Variants in CSMD1 observed in about 807,000 individuals in gnomAD.
CSMD1 encodes CUB and Sushi multiple domains 1.
In CSMD1, 213 loss-of-function variants were observed where a neutral mutation model predicts 417.5. The ratio of observed to expected loss-of-function variants is 0.51; its 90% CI spans 0.46 to 0.57. CSMD1 has a LOEUF of 0.57. CSMD1 is among the 20% of genes least tolerant of loss of function. The pLI is 0.00. For synonymous variants in CSMD1, 2,862 were observed against 1,736.8 expected (o/e 1.65, Z -16.11); for missense variants, 6,923 against 4,529.7 (o/e 1.53, Z -15.17).
rs79443875 is a variant in CSMD1, at chr8:4,484,200, GA to G, written c.303-64136del. Among the ~76,000 whole-genome samples the G allele has an allele frequency of 6.5e-3, 682 of 105,324 alleles. 3 individuals carry two copies. Among genetic ancestry groups the G allele is most frequent in the South Asian group, 0.046 (152 of 3,292 alleles). The allele number at this position is 105,324 out of a possible 152,430, so 69.1% of individuals were successfully genotyped here. The stretch of plus-strand genomic sequence containing the variant: ...GATTGGACTGCAGCTTGGATGACAC[GA>G]AAAAAAAAAAAAAAACCTTGCTTTC... On this transcript the variant is annotated intron_variant, in intron 2 of 69. Transcript: ENST00000635120.
chr8:3,083,439 G>A lies in CSMD1; in HGVS notation c.7474+3658C>T, dbSNP rs369226754. On this transcript the variant is annotated intron_variant, in intron 49 of 69. Transcript: ENST00000635120. ...TATTTCAGCCTCAAAATAACTTTTC[G>A]AATCTATAATTTTTTTTAATTTTTC... 1.9e-4 allele frequency among the ~76,000 whole-genome samples: 28 copies of A among 149,882 alleles called. No individual in the cohort carries two copies. The East Asian group carries it at 2.5e-3, about 14-fold the overall frequency.
At chr8:4,020,483 G>T (rs1796735610) in intron 4 of CSMD1, among the ~76,000 whole-genome samples, 1 of 152,146 alleles carries the variant, frequency 6.6e-6, no homozygotes, top group Admixed American at 6.5e-5. Context: ...GCTAGGGTCA[G>T]GCTGCCTGGG....
At chr8:4,367,691 G>T (rs1282897158) in intron 3 of CSMD1, among the ~76,000 whole-genome samples, 1 of 152,108 alleles carries the variant, frequency 6.6e-6, no homozygotes, top group Non-Finnish European at 1.5e-5. Flanking sequence ...TCCTGACCAT[G>T]AGCACTGAAT....
At chr8:4,729,629 G>C (rs1221107863) in intron 1 of CSMD1, among the ~76,000 whole-genome samples, 3 of 152,162 alleles carry the variant, frequency 2.0e-5, no homozygotes, top group South Asian at 2.1e-4. Flanking sequence ...GGTGAGAAAG[G>C]GGGGAATGCA....
At chr8:3,188,773 AAG>A (rs1437458003) in intron 35 of CSMD1, 112 bp downstream of exon 35, 4 of 929,372 alleles carry the variant, frequency 4.3e-6, no homozygotes, top group South Asian at 4.1e-5. Flanking sequence ...AAAAGGAAAA[AAG>A]AGAGAGGGAG....
intron 3 of CSMD1, among the ~76,000 whole-genome samples, chr8:4,410,446 A>G (rs968903168): frequency 3.3e-5 from 5 of 152,228 alleles, no homozygotes; most frequent in Non-Finnish European, 7.3e-5. Flanking sequence ...GCGTCCAGAT[A>G]GTATATAGCC....
intron 10 of CSMD1, among the ~76,000 whole-genome samples, chr8:3,547,216 G>C (rs79971118): frequency 5.3e-5 from 8 of 152,138 alleles, no homozygotes; most frequent in Non-Finnish European, 8.8e-5. Flanking sequence ...CTTTGACTTC[G>C]GCCTTAAATA....
chr8:3,016,201 T>C (rs1808813811), intron 52 of CSMD1, among the ~76,000 whole-genome samples: 2 of 152,210 alleles, frequency 1.3e-5, no homozygotes, highest in Non-Finnish European at 2.9e-5. Context: ...CCTCCAAATA[T>C]GGCACCTAGT....
At chr8:3,156,411 A>G (rs1819533670) in intron 39 of CSMD1, among the ~76,000 whole-genome samples, 1 of 152,220 alleles carries the variant, frequency 6.6e-6, no homozygotes, top group Non-Finnish European at 1.5e-5. Context: ...TGTGCTGAAG[A>G]TACAGAGGTG....
chr8:3,121,105 GGAGA>G (rs1817178749), intron 41 of CSMD1, among the ~76,000 whole-genome samples: 1 of 151,936 alleles, frequency 6.6e-6, no homozygotes, highest in Non-Finnish European at 1.5e-5. Flanking sequence ...AAAAAAATAG[GGAGA>G]GACTCATAAA....
intron 5 of CSMD1, among the ~76,000 whole-genome samples, chr8:3,995,720 T>G (rs1313810680): frequency 6.6e-6 from 1 of 152,188 alleles, no homozygotes; most frequent in Non-Finnish European, 1.5e-5. Context: ...CCCACAGGGC[T>G]TTTGCGCCAA....
chr8:3,570,083 C>A lies in CSMD1; in HGVS notation c.1344+4862G>T, dbSNP rs766664897. ...GAGAAGAGAATTGTATAAACCCAAG[C>A]TGCCTAAATTCATTACTGGTCATTT... On this transcript the variant is annotated intron_variant, in intron 10 of 69. Transcript: ENST00000635120. Among the ~76,000 whole-genome samples the A allele has an allele frequency of 3.3e-5, 5 of 152,254 alleles. No individual in the cohort carries two copies. The South Asian group carries it at 1.0e-3, about 32-fold the overall frequency.
chr8:3,958,010 A>G (rs1812081714), intron 5 of CSMD1, among the ~76,000 whole-genome samples: 1 of 152,172 alleles, frequency 6.6e-6, no homozygotes, highest in Admixed American at 6.5e-5. Flanking sequence ...AGATTAAACC[A>G]GAGAAGACAA....
chr8:4,063,147 G>C (rs75456220), intron 3 of CSMD1, among the ~76,000 whole-genome samples: 1 of 151,782 alleles, frequency 6.6e-6, no homozygotes, highest in Non-Finnish European at 1.5e-5. Flanking sequence ...AAAATGCCTA[G>C]AAGATTTGGA....
intron 10 of CSMD1, among the ~76,000 whole-genome samples, chr8:3,565,673 T>C (rs576966816): frequency 1.3e-5 from 2 of 152,360 alleles, no homozygotes; most frequent in South Asian, 4.1e-4. Context: ...ACAGATCTGA[T>C]AAACATATCA....
intron 10 of CSMD1, among the ~76,000 whole-genome samples, chr8:3,562,972 A>T (rs1196962160): frequency 6.6e-6 from 1 of 152,130 alleles, no homozygotes; most frequent in Non-Finnish European, 1.5e-5. Flanking sequence ...ATTGCATTCT[A>T]TTAGCCCAAA....
At chr8:3,305,794 C>G (rs570873661) in intron 25 of CSMD1, among the ~76,000 whole-genome samples, 67 of 152,174 alleles carry the variant, frequency 4.4e-4, no homozygotes, top group Non-Finnish European at 8.5e-4. Context: ...ATTCTCCTGC[C>G]TCAGCCTCCC....
At chr8:3,162,137 T>A (rs766306994) in intron 38 of CSMD1, 22 bp downstream of exon 38, 1 of 1,460,338 alleles carries the variant, frequency 6.8e-7, no homozygotes, top group Non-Finnish European at 9.5e-7. Flanking sequence ...ATGTTATTCC[T>A]GAGCACTGAG....
intron 3 of CSMD1, among the ~76,000 whole-genome samples, chr8:4,417,101 A>T (rs1426623123): frequency 2.0e-5 from 3 of 152,040 alleles, no homozygotes; most frequent in Non-Finnish European, 4.4e-5. Flanking sequence ...AGCAGTTAAA[A>T]TGTGTTAATT....
Sources: allele counts gnomAD v4.1 joint callset (sites outside exome capture counted in the v4.1 genomes callset), GRCh38; gene constraint gnomAD v4.1.1; transcripts MANE v1.5; gene names NCBI Gene and HGNC (gene_info 2026-07-23, HGNC 2026-07-21).